The following POLR3D variants were observed in gnomAD, a reference collection of about 807,000 sequenced individuals.
POLR3D encodes RNA polymerase III subunit D.
A neutral mutation model predicts 44.5 loss-of-function variants in POLR3D; 42 were observed. The observed-to-expected ratio is 0.94, with a 90% confidence interval of 0.74 to 1.22. POLR3D has a LOEUF of 1.22. Ranked by LOEUF, POLR3D falls within the 50% of genes most tolerant of loss-of-function variation. POLR3D has a pLI of 0.00. For missense variants in POLR3D, 507 were observed against 505.2 expected, an observed-to-expected ratio of 1.00 and a Z score of -0.03; for synonymous variants, 217 against 198.1, an observed-to-expected ratio of 1.10 and a Z score of -0.80.
rs1830076687 is a variant in POLR3D, at chr8:22,249,316, TCAGA to T, written c.921+12_921+15del. On this transcript the variant is annotated splice_region_variant and intron_variant, in intron 7 of 8. Coordinates refer to ENST00000306433, the MANE Select transcript of POLR3D (RefSeq NM_001722.3). The stretch of plus-strand genomic sequence containing the variant: ...CAAGCAGGAGAAAGACCGAGTACGC[TCAGA>T]CAGAGGCCTGCGGGAATCAAGTCGG... 2 of 1,612,006 alleles carry T rather than the reference TCAGA, an allele frequency of 1.2e-6. No individual in the cohort carries two copies. Among genetic ancestry groups the T allele is most frequent in the Admixed American group, 1.7e-5 (1 of 59,970 alleles).
intron 3 of POLR3D, among the ~76,000 whole-genome samples, chr8:22,247,603 T>C (rs1830056285): frequency 6.6e-6 from 1 of 152,226 alleles, no homozygotes; most frequent in African/African-American, 2.4e-5. Flanking sequence ...CATTTCTGCC[T>C]TCCTGCTTTC....
rs1223774410 is a variant in POLR3D, at chr8:22,247,956, C to G, written c.309C>G (p.Ile103Met). 6.2e-7 allele frequency: 1 copy of G among 1,613,984 alleles called. No homozygotes were observed. Among genetic ancestry groups the G allele is most frequent in the Non-Finnish European group, 8.5e-7 (1 of 1,180,028 alleles). Residue 103 changes from isoleucine (I) to methionine (M), a missense_variant, in exon 4 of 9, where the codon ATC (isoleucine) becomes ATG (methionine). By Grantham distance (10) the Ile-to-Met change is conservative. Transcript: ENST00000306433. ...HGRGRGRPEV[I>M]QSHSIFEQGP... ...GAGGGCGAGGCCGTCCAGAAGTGAT[C>G]CAGTCTCACTCCATCTTTGAGCAGG...
At chr8:22,248,907 C>A in intron 6 of POLR3D, 137 bp from the exon 7 acceptor site, 2 of 985,950 alleles carry the variant, frequency 2.0e-6, no homozygotes, top group Non-Finnish European at 3.1e-6. Context: ...TTGTCTCTTG[C>A]CCCTCTGTAT....
chr8:22,245,793 A>T (rs988482849), intron 2 of POLR3D, among the ~76,000 whole-genome samples, 179 bp downstream of exon 2: 1 of 152,206 alleles, frequency 6.6e-6, no homozygotes, highest in South Asian at 2.1e-4. Context: ...TGAGTACAAG[A>T]TGTTGAAATG....
rs1830122518 is a variant in POLR3D at position 22,253,581 on chromosome 8, T to C, written c.*3063T>C. 6.6e-6 allele frequency: 1 copy of C among 152,256 alleles called. No individual in the cohort carries two copies. Among genetic ancestry groups the C allele is most frequent in the African/African-American group, 2.4e-5 (1 of 41,470 alleles). 9.4% of individuals were successfully genotyped at this position (152,256 alleles called of 1,614,324 possible). ...CATCTAGGCATAACTTTTTAAAATA[T>C]TCAGTCACCTTTTATTCTACTAAAA... On this transcript the variant is annotated 3_prime_UTR_variant, in exon 9 of 9. Coordinates refer to ENST00000306433, the MANE Select transcript of POLR3D (RefSeq NM_001722.3).
chr8:22,247,304 C>G, intron 3 of POLR3D, 40 bp downstream of exon 3: 1 of 1,524,590 alleles, frequency 6.6e-7, no homozygotes, highest in Non-Finnish European at 9.1e-7. Context: ...CCCTTATTTA[C>G]TTGCTCTGAA....
rs1830096849 is a variant in POLR3D, at chr8:22,250,562, GC to G, written c.*46del. 6.2e-7 allele frequency: 1 copy of G among 1,612,340 alleles called. No individual in the cohort carries two copies. The highest frequency in any genetic ancestry group is 1.3e-5 in the African/African-American group (1 of 75,028). On this transcript the variant is annotated 3_prime_UTR_variant, in exon 9 of 9. Coordinates refer to ENST00000306433, the MANE Select transcript of POLR3D (RefSeq NM_001722.3). ...GACGGCGCCTGTGCCCACGGCTGCT[GC>G]CTGCTCCAGACATTTTGTTCTTGAA...
chr8:22,251,702 C>T lies in POLR3D; in HGVS notation c.*1184C>T, dbSNP rs1830106999. ...ACTTTTTTGGGTCTGTGATCCTGTT[C>T]CCTTTACCAGGTCATTGTACTGTGT... On this transcript the variant is annotated 3_prime_UTR_variant, in exon 9 of 9. Coordinates refer to ENST00000306433, the MANE Select transcript of POLR3D (RefSeq NM_001722.3). 1 of 152,534 alleles carries T rather than the reference C, an allele frequency of 6.6e-6. No individual in the cohort carries two copies. Among genetic ancestry groups the T allele is most frequent in the Non-Finnish European group, 1.5e-5 (1 of 68,056 alleles). 9.4% of individuals were successfully genotyped at this position (152,534 alleles called of 1,614,324 possible). A position where few individuals can be genotyped will look rare whatever the true frequency, so the allele number is the denominator to read the frequency against.
chr8:22,245,697 A>G, intron 2 of POLR3D, 83 bp downstream of exon 2: 2 of 1,002,854 alleles, frequency 2.0e-6, no homozygotes, highest in Non-Finnish European at 1.3e-6. Flanking sequence ...TGTAGGACCT[A>G]CTGTGTGTCA....
intron 2 of POLR3D, among the ~76,000 whole-genome samples, chr8:22,246,276 C>T (rs944302781): frequency 5.3e-5 from 8 of 151,436 alleles, no homozygotes; most frequent in East Asian, 1.9e-4. Flanking sequence ...TACAGGCGCC[C>T]GCCACCATGC....
rs577521027 is a variant in POLR3D at position 22,247,076 on chromosome 8, T to C, written c.166-145T>C. On this transcript the variant is annotated intron_variant, in intron 2 of 8. Transcript: ENST00000306433. ...CCTCCTTTTCAGGCACATGTGTATC[T>C]ATAAAACTGACAGCACTGTGGAATG... 7 of 620,396 alleles carry C rather than the reference T, an allele frequency of 1.1e-5. No homozygotes were observed. The African/African-American group carries it at 1.3e-4, about 11-fold the overall frequency. The allele number at this position is 620,396 out of a possible 1,614,324, so 38.4% of individuals were successfully genotyped here.
At chr8:22,246,000 A>G (rs1476082997) in intron 2 of POLR3D, among the ~76,000 whole-genome samples, 4 of 152,232 alleles carry the variant, frequency 2.6e-5, no homozygotes, top group Admixed American at 6.5e-5. Context: ...TATCTAGAGT[A>G]TGATGAATCC....
chr8:22,247,835 C>T (rs749325727), intron 3 of POLR3D, 22 bp from the exon 4 acceptor site: 13 of 1,610,412 alleles, frequency 8.1e-6, no homozygotes, highest in African/African-American at 1.3e-5. Flanking sequence ...AGTGGTTTCC[C>T]TTAATCCATT....
At chr8:22,248,797 T>G in intron 6 of POLR3D, 148 bp downstream of exon 6, 1 of 884,772 alleles carries the variant, frequency 1.1e-6, no homozygotes, top group Admixed American at 2.6e-5. Context: ...TGAACAAAGA[T>G]GCTCCATTCT....
rs765076946 is a variant in POLR3D at position 22,249,174 on chromosome 8, G to C, written c.786G>C (p.Lys262Asn). 3.1e-6 allele frequency: 5 copies of C among 1,614,066 alleles called. No homozygotes were observed. The South Asian group carries it at 5.5e-5, about 18-fold the overall frequency. ...AELLRELSLT[K>N]EEELLFLQLP... ...TGCTGAGGGAGCTGAGCCTCACCAA[G>C]GAAGAGGAACTGCTGTTTCTGCAGC... Residue 262 changes from lysine (K) to asparagine (N), a missense_variant, in exon 7 of 9, where the codon AAG (lysine) becomes AAC (asparagine). Transcript: ENST00000306433.
At chr8:22,246,231 G>C (rs757175145) in intron 2 of POLR3D, among the ~76,000 whole-genome samples, 1 of 151,976 alleles carries the variant, frequency 6.6e-6, no homozygotes, top group Non-Finnish European at 1.5e-5. Context: ...AGGTTTGAGC[G>C]ATTCTCCTGC....
At position 22,245,494 on chromosome 8, in the gene POLR3D, G is replaced by A; in HGVS notation, c.45G>A (p.Gly15=). The part of the protein sequence containing the change: ...NAAGEPSTPG[G]PRPLLTGARG... ...CCGGCGAGCCCAGCACGCCGGGAGG[G>A]CCCCGACCTCTCCTGACTGGGGCCC... The change falls in exon 2 of 9, where the codon GGG becomes GGA. Residue 15 remains glycine, a synonymous_variant. Transcript: ENST00000306433. The A allele has an allele frequency of 7.7e-7, 1 of 1,303,726 alleles. No homozygotes were observed. The allele number at this position is 1,303,726 out of a possible 1,614,324, so 80.8% of individuals were successfully genotyped here.
chr8:22,247,800 C>A, intron 3 of POLR3D, 57 bp from the exon 4 acceptor site: 1 of 1,560,862 alleles, frequency 6.4e-7, no homozygotes, highest in Non-Finnish European at 8.7e-7. Context: ...GAGAGTAAGG[C>A]CAGATTTTGG....
Position 22,254,329 on chromosome 8 carries a change from A to C in POLR3D, c.*3811A>C, listed in dbSNP as rs1444475466. 6.6e-6 allele frequency: 1 copy of C among 152,154 alleles called. No homozygotes were observed. Among genetic ancestry groups the C allele is most frequent in the Non-Finnish European group, 1.5e-5 (1 of 68,036 alleles). 9.4% of individuals were successfully genotyped at this position (152,154 alleles called of 1,614,324 possible). On this transcript the variant is annotated 3_prime_UTR_variant, in exon 9 of 9. Coordinates refer to ENST00000306433, the MANE Select transcript of POLR3D (RefSeq NM_001722.3). Reference sequence around the variant, plus strand: ...AAAATTTTGTATGTTATTTATAATGATATAAATTATGTGGTTTTATCGTGT... The same window carrying C: ...AAAATTTTGTATGTTATTTATAATGCTATAAATTATGTGGTTTTATCGTGT...
Sources: allele counts gnomAD v4.1 joint callset (sites outside exome capture counted in the v4.1 genomes callset), GRCh38; gene constraint gnomAD v4.1.1; transcripts MANE v1.5; gene names NCBI Gene and HGNC (gene_info 2026-07-23, HGNC 2026-07-21).